Variants in NFIA observed in about 807,000 individuals in gnomAD.
The protein encoded by NFIA is nuclear factor I A, also known as nuclear factor 1 A-type.
Under a neutral mutation model 62.8 loss-of-function variants are expected in NFIA, and 8 were observed. The observed-to-expected ratio is 0.13, with a 90% CI of 0.07 to 0.23. NFIA has a LOEUF of 0.23. NFIA is among the 10% of genes least tolerant of loss of function. The pLI is 1.00. For missense variants in NFIA, 410 were observed against 642.1 expected (o/e 0.64, Z 3.91); for synonymous variants, 235 against 238.1 (o/e 0.99, Z 0.12).
At chr1:61,387,613 A>G (rs1664771861) in intron 7 of NFIA, among the ~76,000 whole-genome samples, 1 of 151,388 alleles carries the variant, frequency 6.6e-6, no homozygotes, top group Non-Finnish European at 1.5e-5. Flanking sequence ...GACTCCACCA[A>G]CCTCATCTGG....
At chr1:61,147,512 A>C (rs1022970254) in intron 2 of NFIA, among the ~76,000 whole-genome samples, 1 of 152,218 alleles carries the variant, frequency 6.6e-6, no homozygotes, top group African/African-American at 2.4e-5. Context: ...TAGCTTAATA[A>C]CTTTGAGTTA....
At chr1:61,167,345 C>T (rs1166606774) in intron 2 of NFIA, among the ~76,000 whole-genome samples, 1 of 152,066 alleles carries the variant, frequency 6.6e-6, no homozygotes, top group African/African-American at 2.4e-5. Flanking sequence ...AATAAGGTTA[C>T]TTTTCTCTAA....
At chr1:61,077,688 A>G, upstream of NFIA, 1 of 1,310,978 alleles carries the variant, frequency 7.6e-7, no homozygotes, top group Admixed American at 2.9e-5. Context: ...TTTATAAACA[A>G]TGGTAGAATG....
At chr1:61,158,542 A>G (rs924867053) in intron 2 of NFIA, among the ~76,000 whole-genome samples, 5 of 152,210 alleles carry the variant, frequency 3.3e-5, no homozygotes, top group African/African-American at 1.2e-4. Context: ...ACATCTTACC[A>G]TGTTGAATTA....
intron 7 of NFIA, among the ~76,000 whole-genome samples, chr1:61,393,377 C>G (rs1459132144): frequency 8.4e-6 from 1 of 119,374 alleles, no homozygotes; most frequent in Non-Finnish European, 1.7e-5. Flanking sequence ...GAGCTTTGTG[C>G]TTAGGCTAAA....
Position 61,292,004 on chromosome 1 carries a change from A to G in NFIA, c.625+14419A>G, listed in dbSNP as rs78769041. ...AGTCAATGAAAATAGTAAATGTCAC[A>G]GTATACTGAAAGCGAAGCCAGTGAG... On this transcript the variant is annotated intron_variant, in intron 3 of 10. Coordinates refer to ENST00000403491, the MANE Select transcript of NFIA (RefSeq NM_001134673.4). Among the ~76,000 whole-genome samples the G allele has an allele frequency of 1.5e-3, 234 of 152,312 alleles. 4 individuals are homozygous for G. In the East Asian group the frequency reaches 0.043, roughly 28 times the overall value.
intron 7 of NFIA, among the ~76,000 whole-genome samples, chr1:61,396,296 A>T (rs111674691): frequency 6.6e-6 from 1 of 152,130 alleles, no homozygotes; most frequent in East Asian, 1.9e-4. Context: ...CCCAGGCTAG[A>T]GTGCAGTGGT....
intron 10 of NFIA, among the ~76,000 whole-genome samples, chr1:61,427,307 T>C (rs1666912345): frequency 6.6e-6 from 1 of 152,174 alleles, no homozygotes; most frequent in East Asian, 1.9e-4. Context: ...AGTTCAAAGT[T>C]AGTATAGGTA....
intron 3 of NFIA, among the ~76,000 whole-genome samples, chr1:61,327,036 A>AT (rs58264363): frequency 1.3e-3 from 196 of 147,748 alleles, no homozygotes; most frequent in Middle Eastern, 3.6e-3. Flanking sequence ...AAGAAAAAAA[A>AT]ATATATATAT....
chr1:61,453,446 T>G (rs1668156762), intron 10 of NFIA, among the ~76,000 whole-genome samples: 2 of 141,682 alleles, frequency 1.4e-5, no homozygotes, highest in African/African-American at 5.2e-5. Context: ...GAAGAAACTT[T>G]TTTTTTTTTT....
chr1:61,285,121 G>GGT (rs1369312013), intron 3 of NFIA, among the ~76,000 whole-genome samples: 1 of 152,132 alleles, frequency 6.6e-6, no homozygotes, highest in Non-Finnish European at 1.5e-5. Flanking sequence ...AGGTGCACCT[G>GGT]GTGTTTGGCT....
chr1:61,392,931 A>T (rs56396529), intron 7 of NFIA, among the ~76,000 whole-genome samples: 2 of 152,082 alleles, frequency 1.3e-5, no homozygotes, highest in African/African-American at 4.8e-5. Context: ...ACGCAGGCCT[A>T]TGTGTCCCAG....
chr1:61,300,989 T>C (rs1158135717), intron 3 of NFIA, among the ~76,000 whole-genome samples: 4 of 152,044 alleles, frequency 2.6e-5, no homozygotes, highest in Non-Finnish European at 5.9e-5. Flanking sequence ...CATTGAGATA[T>C]AAGTTTGATT....
intron 3 of NFIA, among the ~76,000 whole-genome samples, chr1:61,319,171 A>G (rs1034071415): frequency 2.6e-5 from 4 of 152,180 alleles, no homozygotes; most frequent in African/African-American, 7.2e-5. Context: ...GGTAGCCTGT[A>G]TCTACTGGAC....
intron 2 of NFIA, among the ~76,000 whole-genome samples, chr1:61,129,518 C>T (rs1263874752): frequency 1.4e-5 from 2 of 145,272 alleles, no homozygotes; most frequent in African/African-American, 2.6e-5. Flanking sequence ...GGTGTGATCT[C>T]GGCTCACTGC....
chr1:61,322,569 T>C (rs567636655), intron 3 of NFIA, among the ~76,000 whole-genome samples: 2 of 152,200 alleles, frequency 1.3e-5, no homozygotes, highest in East Asian at 1.9e-4. Context: ...GGGGTAGAAG[T>C]TGATTGTATC....
At chr1:61,078,263 GAA>G (rs112301617), upstream of NFIA, among the ~76,000 whole-genome samples, 52 of 142,664 alleles carry the variant, frequency 3.6e-4, no homozygotes, top group African/African-American at 1.2e-3. Context: ...TCGCGTTTAA[GAA>G]AAAAAAAAAA....
intron 2 of NFIA, among the ~76,000 whole-genome samples, chr1:61,260,486 C>CAGT (rs1656695008): frequency 6.6e-6 from 1 of 152,192 alleles, no homozygotes; most frequent in African/African-American, 2.4e-5. Flanking sequence ...CTAGCACTCA[C>CAGT]AGTAGTGCTT....
chr1:61,326,021 A>G (rs781729890), intron 3 of NFIA, among the ~76,000 whole-genome samples: 6 of 151,866 alleles, frequency 4.0e-5, no homozygotes, highest in Non-Finnish European at 8.8e-5. Context: ...TTACCTTCTA[A>G]ATTGCACACA....
Sources: gnomAD v4.1 joint callset for allele counts (sites outside exome capture counted in the v4.1 genomes callset) on GRCh38, gnomAD v4.1.1 for gene constraint, MANE v1.5 for transcripts, NCBI Gene and HGNC (gene_info 2026-07-23, HGNC 2026-07-21) for gene names.